Variants in POLR1C observed in about 807,000 individuals in gnomAD.
POLR1C encodes the protein RNA polymerase I and III subunit C, also known as DNA-directed RNA polymerases I and III subunit RPAC1.
In POLR1C, 42 loss-of-function variants were observed where a neutral mutation model predicts 38.3. The ratio of observed to expected loss-of-function variants is 1.10; its 90% CI spans 0.86 to 1.42. The LOEUF is 1.42. POLR1C is among the 40% of genes most tolerant of loss of function. The pLI, the probability that POLR1C is intolerant of heterozygous loss-of-function variation, is 0.00. For synonymous variants in POLR1C, 163 were observed against 163.9 expected (o/e 0.99, Z 0.04); for missense variants, 507 against 450.5 (o/e 1.13, Z -1.14).
chr6:43,549,892 C>A, intron 9 of POLR1C: 2 of 1,609,924 alleles, frequency 1.2e-6, no homozygotes, highest in Non-Finnish European at 1.7e-6. Context: ...AATGGTCTTA[C>A]CTTACTTTCT....
At chr6:43,526,203 C>T (rs1026255729), downstream of POLR1C, 10 of 450,570 alleles carry the variant, frequency 2.2e-5, no homozygotes, top group East Asian at 3.6e-4. Context: ...TATTTGAGCA[C>T]CAGACACTGA....
chr6:43,559,251 C>T (rs1353274417), intron 10 of POLR1C, among the ~76,000 whole-genome samples: 2 of 152,198 alleles, frequency 1.3e-5, no homozygotes, highest in African/African-American at 4.8e-5. Context: ...GAGCCAAGAT[C>T]GTGCCACTGC....
intron 10 of POLR1C, chr6:43,560,394 A>C: frequency 7.0e-7 from 1 of 1,429,600 alleles, no homozygotes; most frequent in Non-Finnish European, 9.2e-7. Context: ...ATTTTTTCAT[A>C]GAAATAAATC....
downstream of POLR1C, among the ~76,000 whole-genome samples, chr6:43,532,995 A>T (rs973965860): frequency 3.9e-5 from 6 of 151,928 alleles, no homozygotes; most frequent in African/African-American, 1.2e-4. Flanking sequence ...AAATACAAAA[A>T]ATTAGCCGGG....
chr6:43,549,498 C>G, intron 9 of POLR1C: 1 of 1,611,374 alleles, frequency 6.2e-7, no homozygotes, highest in Middle Eastern at 1.8e-4. Flanking sequence ...CCAGCACAAG[C>G]TGGGGGTAGT....
At chr6:43,517,521 G>A (rs992037261) in intron 2 of POLR1C, 144 bp downstream of exon 2, 4 of 719,942 alleles carry the variant, frequency 5.6e-6, no homozygotes, top group African/African-American at 1.8e-5. Flanking sequence ...TCCGTTTACA[G>A]GCCAAATTAG....
intron 2 of POLR1C, 78 bp from the exon 3 acceptor site, chr6:43,519,255 A>G: frequency 1.2e-6 from 1 of 859,176 alleles, no homozygotes; most frequent in Non-Finnish European, 2.0e-6. Flanking sequence ...TACTTGAGGG[A>G]ATTATCTAAG....
chr6:43,533,166 T>C (rs116770453), downstream of POLR1C, among the ~76,000 whole-genome samples: 1 of 147,112 alleles, frequency 6.8e-6, no homozygotes, highest in East Asian at 2.0e-4. Flanking sequence ...AGGTAACAAT[T>C]GGGAAATGGC....
chr6:43,531,721 G>C (rs1793992160), downstream of POLR1C: 16 of 699,188 alleles, frequency 2.3e-5, no homozygotes, highest in South Asian at 2.8e-4. Flanking sequence ...TACGTGATTT[G>C]CTGCACTCTT....
rs1011941599 is a variant in POLR1C at position 43,553,401 on chromosome 6, G to A, written c.*48+2390G>A. The A allele has an allele frequency of 3.1e-6, 5 of 1,608,116 alleles. No homozygotes were observed. The highest frequency in any genetic ancestry group is 1.7e-4 in the Middle Eastern group (1 of 6,056). On this transcript the variant is annotated intron_variant, in intron 10 of 10. Transcript: ENST00000607635. ...TCTATTTAGTGTTCGAAACATCTGG[G>A]TGATAACACTTTCCAAAAAAAGAGT...
chr6:43,552,361 C>T (rs939564237), intron 10 of POLR1C, among the ~76,000 whole-genome samples: 35 of 151,102 alleles, frequency 2.3e-4, no homozygotes, highest in African/African-American at 7.3e-4. Flanking sequence ...CCACCCTTTT[C>T]TTTTTTTTTA....
chr6:43,517,495 G>A, intron 2 of POLR1C, 118 bp downstream of exon 2: 1 of 864,440 alleles, frequency 1.2e-6, no homozygotes, highest in South Asian at 1.3e-5. Context: ...AGTTTGTTGA[G>A]CAATGTGCTA....
At chr6:43,551,118 T>G in intron 10 of POLR1C, 1 of 487,502 alleles carries the variant, frequency 2.1e-6, no homozygotes, top group Non-Finnish European at 3.4e-6. Context: ...AGGCCAGGCA[T>G]GGTTGTGCAT....
intron 9 of POLR1C, among the ~76,000 whole-genome samples, chr6:43,536,775 A>AAAAAAAAAAAAAAAAAAAAAAAC (rs1189424006): frequency 6.7e-6 from 1 of 149,660 alleles, no homozygotes; most frequent in African/African-American, 2.5e-5. Context: ...AAAAAAAAAA[A>AAAAAAAAAAAAAAAAAAAAAAAC]AAAAAAAAAA....
intron 9 of POLR1C, among the ~76,000 whole-genome samples, chr6:43,536,850 T>C (rs1004649402): frequency 1.4e-5 from 2 of 147,526 alleles, no homozygotes; most frequent in Non-Finnish European, 3.0e-5. Context: ...TGGTGGCTGG[T>C]AGGAATCTAA....
intron 9 of POLR1C, among the ~76,000 whole-genome samples, chr6:43,542,668 C>T (rs558691649): frequency 6.6e-6 from 1 of 152,252 alleles, no homozygotes; most frequent in Non-Finnish European, 1.5e-5. Flanking sequence ...TCAAGTGATT[C>T]ACCTGCTTCG....
rs759827821 is a variant in POLR1C at position 43,528,814 on chromosome 6, G to C, written c.923-435G>C. ...ATAGTACTCTTTGCTTCCTGTTCCTGACTTATCTCTTACCATATGGAGGTA... is the reference window on the plus strand; with the variant it reads ...ATAGTACTCTTTGCTTCCTGTTCCTCACTTATCTCTTACCATATGGAGGTA... On this transcript the variant is annotated intron_variant, in intron 8 of 8. Coordinates refer to the POLR1C transcript ENST00000304004. 12 of 1,611,446 alleles carry C rather than the reference G, an allele frequency of 7.4e-6. No individual in the cohort carries two copies. The South Asian group carries it at 9.9e-5, about 13-fold the overall frequency.
chr6:43,523,466 G>A, downstream of POLR1C: 1 of 355,406 alleles, frequency 2.8e-6, no homozygotes, highest in Non-Finnish European at 5.5e-6. Flanking sequence ...AGTAGTTGAG[G>A]GCTGTGCTCT....
intron 8 of POLR1C, chr6:43,527,075 A>G (rs1256166542): frequency 7.6e-6 from 2 of 264,112 alleles, no homozygotes; most frequent in East Asian, 1.5e-4. Context: ...AAGAAAATTA[A>G]CAGCCTCCAT....
Sources: allele counts gnomAD v4.1 joint callset (sites outside exome capture counted in the v4.1 genomes callset), GRCh38; gene constraint gnomAD v4.1.1; transcripts MANE v1.5; gene names NCBI Gene and HGNC (gene_info 2026-07-23, HGNC 2026-07-21).